SERF2: variants seen among roughly 807,000 people sequenced by gnomAD.
The protein encoded by SERF2 is gastric cancer-related protein VRG107.
In SERF2, 4 loss-of-function variants were observed where a neutral mutation model predicts 10.7. That is an observed-to-expected ratio of 0.37 (90% CI 0.18 to 0.86). The LOEUF (loss-of-function observed/expected upper bound fraction) is 0.86, where lower values mean the gene tolerates loss of function less well. SERF2 is among the 40% of genes least tolerant of loss of function. SERF2 has a pLI of 0.43. For synonymous variants in SERF2, 26 were observed against 26.0 expected (o/e 1.00, Z 0.01); for missense variants, 47 against 79.1 (o/e 0.59, Z 1.54).
rs1187704426 is a variant in SERF2, at chr15:43,794,508, T to G, written c.*735T>G. The G allele has an allele frequency of 1.2e-5, 2 of 161,040 alleles. No individual in the cohort carries two copies. Among genetic ancestry groups the G allele is most frequent in the East Asian group, 3.8e-4 (2 of 5,328 alleles). 10.0% of individuals were successfully genotyped at this position (161,040 alleles called of 1,614,324 possible). A position where few individuals can be genotyped will look rare whatever the true frequency, so the allele number is the denominator to read the frequency against. ...GGGTGGTTTTGTCTTCCCGCTTCCC[T>G]TGACCTCAAAATCAGGATTAAAACC... is the stretch of plus-strand genomic sequence containing the variant. On this transcript the variant is annotated 3_prime_UTR_variant, in exon 3 of 3. Coordinates refer to ENST00000249786, the MANE Select transcript of SERF2 (RefSeq NM_001018108.4).
intron 1 of SERF2, among the ~76,000 whole-genome samples, chr15:43,782,411 T>C (rs1480651177): frequency 6.6e-6 from 1 of 152,238 alleles, no homozygotes; most frequent in African/African-American, 2.4e-5. Flanking sequence ...TTAATAATTA[T>C]GCATTTTTTT....
rs1157645746 is a variant in SERF2, at chr15:43,794,539, T to G, written c.*766T>G. 3 of 162,198 alleles carry G rather than the reference T, an allele frequency of 1.8e-5. No homozygotes were observed. Among genetic ancestry groups the G allele is most frequent in the Non-Finnish European group, 4.1e-5 (3 of 73,448 alleles). 10.0% of individuals were successfully genotyped at this position (162,198 alleles called of 1,614,324 possible). On this transcript the variant is annotated 3_prime_UTR_variant, in exon 3 of 3. Transcript: ENST00000249786. ...TCAAAATCAGGATTAAAACCTGGGG[T>G]AGCCTCTGTGCTCCTTTCTTCTATG...
At chr15:43,781,385 T>G (rs552648230) in intron 1 of SERF2, among the ~76,000 whole-genome samples, 86 of 152,096 alleles carry the variant, frequency 5.7e-4, no homozygotes, top group African/African-American at 2.0e-3. Flanking sequence ...CGAAATCCCA[T>G]GTCTACTAAA....
rs567696997 is a variant in SERF2, at chr15:43,794,900, C to G, written c.*1127C>G. The G allele has an allele frequency of 2.7e-5, 24 of 892,462 alleles. No individual in the cohort carries two copies. The East Asian group carries it at 5.8e-4, about 22-fold the overall frequency. The allele number at this position is 892,462 out of a possible 1,614,324, so 55.3% of individuals were successfully genotyped here. A position where few individuals can be genotyped will look rare whatever the true frequency, so the allele number is the denominator to read the frequency against. ...TTGACTTCAGCCCAAACGGAGATAA[C>G]TCCCTGTGTGTCCTTGAGGTATTGA... On this transcript the variant is annotated 3_prime_UTR_variant, in exon 3 of 3. Transcript: ENST00000249786.
intron 1 of SERF2, 38 bp from the exon 2 acceptor site, chr15:43,792,937 G>A: frequency 1.4e-6 from 2 of 1,453,496 alleles, no homozygotes; most frequent in South Asian, 1.2e-5. Flanking sequence ...TGTGGGCAGA[G>A]CGGCCCCCGC....
At chr15:43,788,090 G>C (rs893419123), upstream of SERF2, among the ~76,000 whole-genome samples, 1 of 152,018 alleles carries the variant, frequency 6.6e-6, no homozygotes, top group African/African-American at 2.4e-5. Flanking sequence ...GGCCAGACTG[G>C]TCTTGAACTC....
chr15:43,779,287 G>A (rs1027553883), intron 1 of SERF2, among the ~76,000 whole-genome samples: 4 of 152,096 alleles, frequency 2.6e-5, no homozygotes, highest in Non-Finnish European at 5.9e-5. Flanking sequence ...GAGAGAATGA[G>A]GGAGGAGTGA....
chr15:43,788,081 G>A (rs1361484029), upstream of SERF2, among the ~76,000 whole-genome samples: 2 of 152,080 alleles, frequency 1.3e-5, no homozygotes, highest in East Asian at 3.9e-4. Flanking sequence ...CACCATGTTG[G>A]CCAGACTGGT....
upstream of SERF2, among the ~76,000 whole-genome samples, chr15:43,791,382 C>T (rs1003303016): frequency 5.3e-5 from 8 of 152,114 alleles, no homozygotes; most frequent in Non-Finnish European, 1.0e-4. Flanking sequence ...GCTGGAATTA[C>T]AGGCGCGCCA....
rs763503353 is a variant in SERF2, at chr15:43,795,646, C to T, written c.*1873C>T. On this transcript the variant is annotated 3_prime_UTR_variant, in exon 3 of 3. Coordinates refer to ENST00000249786, the MANE Select transcript of SERF2 (RefSeq NM_001018108.4). Reference sequence around the variant, plus strand: ...TCTTGAGGGTTCTTATGGCACTCCACAGAGATCTACCACTTCTTATGGTTC... The same window carrying T: ...TCTTGAGGGTTCTTATGGCACTCCATAGAGATCTACCACTTCTTATGGTTC... The T allele has an allele frequency of 3.6e-5, 58 of 1,611,566 alleles. No individual in the cohort carries two copies. The Admixed American group carries it at 6.2e-4, about 17-fold the overall frequency.
intron 1 of SERF2, 164 bp from the exon 2 acceptor site, chr15:43,792,811 G>A (rs1042854411): frequency 1.5e-6 from 1 of 675,464 alleles, no homozygotes; most frequent in Non-Finnish European, 2.5e-6. Flanking sequence ...TGGCAGATTC[G>A]CCACTCCCCC....
At chr15:43,786,393 C>A (rs1423820146) in intron 2 of SERF2, among the ~76,000 whole-genome samples, 1 of 145,944 alleles carries the variant, frequency 6.9e-6, no homozygotes, top group African/African-American at 2.6e-5. Context: ...CCAGCCTGGA[C>A]CACAGAGCAA....
At chr15:43,792,269 C>T (rs918932852), upstream of SERF2, 3 of 981,784 alleles carry the variant, frequency 3.1e-6, no homozygotes. Context: ...CGCGAAGGGG[C>T]GGGGAGGAAA....
chr15:43,790,952 T>G (rs911299896), upstream of SERF2, among the ~76,000 whole-genome samples: 11 of 144,326 alleles, frequency 7.6e-5, no homozygotes, highest in African/African-American at 2.8e-4. Context: ...GTATTTTTAG[T>G]AGAGACGGGG....
chr15:43,784,093 A>G (rs556837361), intron 1 of SERF2, among the ~76,000 whole-genome samples: 2 of 151,680 alleles, frequency 1.3e-5, no homozygotes, highest in Non-Finnish European at 2.9e-5. Context: ...ACATGTGGCT[A>G]ATTTTTAAAA....
upstream of SERF2, among the ~76,000 whole-genome samples, chr15:43,788,000 G>A (rs117293891): frequency 2.6e-3 from 389 of 150,444 alleles, 8 homozygotes; most frequent in East Asian, 0.056. Context: ...TCAGCCTCTC[G>A]AGTAGCTGGG....
chr15:43,791,651 A>C (rs181500691), upstream of SERF2, among the ~76,000 whole-genome samples: 36 of 152,362 alleles, frequency 2.4e-4, no homozygotes, highest in African/African-American at 8.2e-4. Flanking sequence ...CCAACTCCAT[A>C]GTCTGTGACT....
chr15:43,790,110 C>G (rs924791111), upstream of SERF2, among the ~76,000 whole-genome samples: 1 of 150,816 alleles, frequency 6.6e-6, no homozygotes, highest in Non-Finnish European at 1.5e-5. Context: ...CCACTGTACT[C>G]CAACCTGGGC....
Position 43,792,434 on chromosome 15 carries a change from A to G in SERF2, c.7+51A>G, listed in dbSNP as rs374086226. 4.3e-6 allele frequency: 7 copies of G among 1,613,306 alleles called. No individual in the cohort carries two copies. In the African/African-American group the frequency reaches 6.7e-5, roughly 15 times the overall value. ...GCCCTTTTCTTTCCGTTCACCCTAAACACCACCGGCGAGGCGCCGGCTTTG... is the reference window on the plus strand; with the variant it reads ...GCCCTTTTCTTTCCGTTCACCCTAAGCACCACCGGCGAGGCGCCGGCTTTG... On this transcript the variant is annotated intron_variant, in intron 1 of 2. Transcript: ENST00000249786.
Sources: gnomAD v4.1 joint callset for allele counts (sites outside exome capture counted in the v4.1 genomes callset) on GRCh38, gnomAD v4.1.1 for gene constraint, MANE v1.5 for transcripts, NCBI Gene and HGNC (gene_info 2026-07-23, HGNC 2026-07-21) for gene names.